SRL: variants seen among roughly 807,000 people sequenced by gnomAD.
SRL encodes the protein sarcalumenin.
Under a neutral mutation model 39.5 loss-of-function variants are expected in SRL, and 23 were observed. The observed-to-expected ratio is 0.58, with a 90% CI of 0.42 to 0.82. The LOEUF (loss-of-function observed/expected upper bound fraction) is 0.82. SRL is among the 40% of genes least tolerant of loss of function. The pLI is 0.00. For missense variants in SRL, 592 were observed against 607.8 expected, an observed-to-expected ratio of 0.97 and a Z score of 0.27; for synonymous variants, 272 against 237.4, an observed-to-expected ratio of 1.15 and a Z score of -1.34.
At chr16:4,215,864 C>T (rs2052453290) in intron 1 of SRL, among the ~76,000 whole-genome samples, 1 of 152,004 alleles carries the variant, frequency 6.6e-6, no homozygotes, top group South Asian at 2.1e-4. Flanking sequence ...ACTACTGGCC[C>T]ATCTTTCCAA....
intron 1 of SRL, among the ~76,000 whole-genome samples, chr16:4,230,454 C>T (rs1336143145): frequency 6.6e-6 from 1 of 150,732 alleles, no homozygotes; most frequent in Non-Finnish European, 1.5e-5. Context: ...GATCTCGGCT[C>T]ACTGCAACCT....
chr16:4,196,442 T>TCTGGCG (rs1035456827), intron 4 of SRL, among the ~76,000 whole-genome samples: 1 of 150,196 alleles, frequency 6.7e-6, no homozygotes, highest in Non-Finnish European at 1.5e-5. Context: ...TTACAAGCAC[T>TCTGGCG]CTGGCGTCTC....
chr16:4,197,289 C>G (rs188908002), intron 4 of SRL, among the ~76,000 whole-genome samples: 5 of 151,714 alleles, frequency 3.3e-5, no homozygotes, highest in Admixed American at 6.6e-5. Context: ...AGGCTGGTCT[C>G]GAACTCCTGA....
At chr16:4,219,616 C>T (rs2052498515) in intron 1 of SRL, among the ~76,000 whole-genome samples, 1 of 152,122 alleles carries the variant, frequency 6.6e-6, no homozygotes, top group Non-Finnish European at 1.5e-5. Context: ...TGCCACCATG[C>T]CTAGGTAATA....
intron 1 of SRL, among the ~76,000 whole-genome samples, chr16:4,219,418 G>A (rs1312862244): frequency 1.3e-5 from 2 of 152,244 alleles, no homozygotes; most frequent in East Asian, 1.9e-4. Flanking sequence ...TCAGAGGGCT[G>A]TGTCGGGGCA....
chr16:4,241,805 C>T (rs989340687), intron 1 of SRL, among the ~76,000 whole-genome samples: 3 of 152,186 alleles, frequency 2.0e-5, no homozygotes, highest in African/African-American at 4.8e-5. Context: ...CTGAGGGCCC[C>T]GCAACTGTGC....
chr16:4,215,881 T>C (rs967709407), intron 1 of SRL, among the ~76,000 whole-genome samples: 1 of 152,070 alleles, frequency 6.6e-6, no homozygotes, highest in African/African-American at 2.4e-5. Context: ...CCAAAAAATT[T>C]TAAAATTAGC....
At chr16:4,206,099 G>A (rs373025625) in intron 1 of SRL, among the ~76,000 whole-genome samples, 2 of 152,160 alleles carry the variant, frequency 1.3e-5, no homozygotes, top group East Asian at 1.9e-4. Flanking sequence ...GTGCCTGACC[G>A]ACCCTCGTAT....
At chr16:4,228,583 A>C (rs1245898372) in intron 1 of SRL, among the ~76,000 whole-genome samples, 1 of 151,346 alleles carries the variant, frequency 6.6e-6, no homozygotes, top group Non-Finnish European at 1.5e-5. Context: ...AAAATACAAA[A>C]AATTAGTCAG....
At chr16:4,228,328 T>C (rs2052614982) in intron 1 of SRL, among the ~76,000 whole-genome samples, 1 of 152,094 alleles carries the variant, frequency 6.6e-6, no homozygotes, top group Non-Finnish European at 1.5e-5. Context: ...TCCCAGCTAC[T>C]CGGGAGGCTG....
intron 1 of SRL, 128 bp from the exon 2 acceptor site, chr16:4,204,762 A>AC: frequency 1.4e-6 from 1 of 709,264 alleles, no homozygotes; most frequent in Non-Finnish European, 2.5e-6. Flanking sequence ...GTTACACTGG[A>AC]CTGAGCTCTG....
chr16:4,197,854 A>G lies in SRL; in HGVS notation c.321T>C (p.Ser107=), dbSNP rs2052170214. Residue 107 remains serine (S), a synonymous_variant, in exon 4 of 6, where the codon TCT becomes TCC. Transcript: ENST00000399609. ...LFLGPWSVGK[S]TMINYLLGLE... is the part of the protein sequence containing the mutation. ...GCCCAAGGAGGTAGTTTATCATGGT[A>G]GATTTACCAACACTCCACGGTCCCA... 2.5e-6 allele frequency: 4 copies of G among 1,614,158 alleles called. No homozygotes were observed. The East Asian group carries it at 6.7e-5, about 27-fold the overall frequency.
chr16:4,206,149 C>T (rs1034176350), intron 1 of SRL, among the ~76,000 whole-genome samples: 1 of 152,180 alleles, frequency 6.6e-6, no homozygotes, highest in Admixed American at 6.5e-5. Flanking sequence ...TTAGCCCGGC[C>T]CTTCCCCCTC....
chr16:4,222,467 G>A (rs752896179), intron 1 of SRL, among the ~76,000 whole-genome samples: 1 of 152,176 alleles, frequency 6.6e-6, no homozygotes, highest in Non-Finnish European at 1.5e-5. Flanking sequence ...TAGATACGGG[G>A]TTTTGCCATG....
intron 1 of SRL, among the ~76,000 whole-genome samples, chr16:4,229,514 C>T (rs193055414): frequency 2.0e-5 from 3 of 151,922 alleles, no homozygotes; most frequent in African/African-American, 4.8e-5. Flanking sequence ...TTATCCCAAG[C>T]GAATTAAGGC....
intron 1 of SRL, among the ~76,000 whole-genome samples, chr16:4,213,674 G>C (rs1446134708): frequency 6.6e-6 from 1 of 152,018 alleles, no homozygotes; most frequent in Non-Finnish European, 1.5e-5. Context: ...GCCTCCCAAA[G>C]TGCTGGGATT....
intron 1 of SRL, among the ~76,000 whole-genome samples, chr16:4,228,131 G>A (rs1044278912): frequency 1.1e-4 from 17 of 152,204 alleles, no homozygotes; most frequent in African/African-American, 4.1e-4. Context: ...CCTGACCATT[G>A]GTGGCCACTT....
rs1240758992 is a variant in SRL, at chr16:4,203,171, A to G, written c.254T>C (p.Ile85Thr). The change falls in exon 3 of 6, where the codon ATC (isoleucine) becomes ACC (threonine). Residue 85 changes from isoleucine to threonine, a missense_variant. Physicochemically the swap from Ile to Thr is moderately conservative, Grantham distance 89 (BLOSUM62 -1). Transcript: ENST00000399609. Reference sequence around the variant, plus strand: ...CCTGTTATCTCAAGCCCTACCTGTGATCTCATGCTGCCGGAGCTCATTGTA... The same window carrying G: ...CCTGTTATCTCAAGCCCTACCTGTGGTCTCATGCTGCCGGAGCTCATTGTA... The part of the protein sequence containing the change: ...YKYNELRQHE[I>T]TDGEITSKPM... The G allele has an allele frequency of 5.0e-6, 8 of 1,613,798 alleles. No homozygotes were observed. The highest frequency in any genetic ancestry group is 6.8e-6 in the Non-Finnish European group (8 of 1,179,896).
intron 3 of SRL, among the ~76,000 whole-genome samples, chr16:4,202,126 G>A (rs7198747): frequency 0.23 from 34,852 of 152,080 alleles, 4,934 homozygotes; most frequent in African/African-American, 0.38. Flanking sequence ...ACGCAGGGGA[G>A]GAGCACACAG....
Sources: allele counts gnomAD v4.1 joint callset (sites outside exome capture counted in the v4.1 genomes callset), GRCh38; gene constraint gnomAD v4.1.1; transcripts MANE v1.5; gene names NCBI Gene and HGNC (gene_info 2026-07-23, HGNC 2026-07-21).